Variants in FAM168A observed in about 807,000 individuals in gnomAD.
The protein encoded by FAM168A is protein FAM168A.
In FAM168A, 3 loss-of-function variants were observed where a neutral mutation model predicts 28.5. The observed-to-expected ratio is 0.11, with a 90% confidence interval of 0.05 to 0.27. The LOEUF (loss-of-function observed/expected upper bound fraction) is 0.27. Among genes scored for constraint, FAM168A ranks in the 10% least tolerant of loss-of-function variants. FAM168A has a pLI of 1.00. For synonymous variants in FAM168A, 122 were observed against 124.2 expected (o/e 0.98, Z 0.12); for missense variants, 222 against 311.5 (o/e 0.71, Z 2.16).
At chr11:73,423,379 T>C (rs1236701799) in intron 3 of FAM168A, among the ~76,000 whole-genome samples, 1 of 152,188 alleles carries the variant, frequency 6.6e-6, no homozygotes, top group Non-Finnish European at 1.5e-5. Flanking sequence ...CATTCCATAG[T>C]TCTCCACTGA....
chr11:73,587,449 A>G (rs1033186316), intron 1 of FAM168A, among the ~76,000 whole-genome samples: 2 of 151,466 alleles, frequency 1.3e-5, no homozygotes, highest in East Asian at 1.9e-4. Context: ...CCCAGATCGC[A>G]CCACTGCACT....
rs1451506397 is a variant in FAM168A at position 73,404,357 on chromosome 11, C to G, written c.*2406G>C. The G allele has an allele frequency of 6.6e-6, 1 of 152,200 alleles. No homozygotes were observed. The highest frequency in any genetic ancestry group is 2.4e-5 in the African/African-American group (1 of 41,446). The allele number at this position is 152,200 out of a possible 1,614,324, so 9.4% of individuals were successfully genotyped here. A position where few individuals can be genotyped will look rare whatever the true frequency, so the allele number is the denominator to read the frequency against. ...TCAATTGACTGTAATAACTCTAACC[C>G]TGTCCCTCTCAGGGCGAGTACATGA... On this transcript the variant is annotated 3_prime_UTR_variant, in exon 8 of 8. Coordinates refer to ENST00000356467, the MANE Select transcript of FAM168A (RefSeq NM_015159.3).
chr11:73,432,420 C>T (rs1483830846), intron 2 of FAM168A, among the ~76,000 whole-genome samples: 1 of 152,018 alleles, frequency 6.6e-6, no homozygotes, highest in Non-Finnish European at 1.5e-5. Flanking sequence ...AATTTCTCTA[C>T]ATCCTCAACA....
intron 2 of FAM168A, among the ~76,000 whole-genome samples, chr11:73,431,746 A>AT (rs35323552): frequency 6.6e-6 from 1 of 151,372 alleles, no homozygotes; most frequent in Admixed American, 6.6e-5. Flanking sequence ...AGTTTGGGGG[A>AT]TTTTTTGAAA....
intron 2 of FAM168A, among the ~76,000 whole-genome samples, chr11:73,468,070 T>A (rs969142598): frequency 9.8e-5 from 15 of 152,334 alleles, no homozygotes; most frequent in African/African-American, 2.6e-4. Context: ...TAGCATTTTT[T>A]AAAAAAATTA....
intron 1 of FAM168A, among the ~76,000 whole-genome samples, chr11:73,552,536 C>T (rs979864977): frequency 6.6e-6 from 1 of 152,174 alleles, no homozygotes; most frequent in African/African-American, 2.4e-5. Context: ...TATTACATAC[C>T]AATATCATAG....
chr11:73,474,362 T>C (rs967559787), intron 1 of FAM168A, among the ~76,000 whole-genome samples: 1 of 151,874 alleles, frequency 6.6e-6, no homozygotes, highest in Non-Finnish European at 1.5e-5. Flanking sequence ...GGTCTTACTG[T>C]GTTGTTCAGG....
intron 4 of FAM168A, among the ~76,000 whole-genome samples, chr11:73,414,982 G>C (rs1866673178): frequency 6.6e-6 from 1 of 152,222 alleles, no homozygotes; most frequent in Non-Finnish European, 1.5e-5. Context: ...CCCTGGGGAA[G>C]CTGGATTACC....
At chr11:73,511,140 G>C (rs1855215985) in intron 1 of FAM168A, among the ~76,000 whole-genome samples, 1 of 151,682 alleles carries the variant, frequency 6.6e-6, no homozygotes, top group Non-Finnish European at 1.5e-5. Context: ...ATTCAGCCCA[G>C]AGCCAAGGCC....
chr11:73,452,654 G>A (rs900680962), intron 2 of FAM168A, among the ~76,000 whole-genome samples: 6 of 152,054 alleles, frequency 3.9e-5, no homozygotes, highest in African/African-American at 1.2e-4. Context: ...TTCTCTAGGG[G>A]TGGGAAGCAC....
At position 73,482,607 on chromosome 11, in the gene FAM168A, G is replaced by A. The variant is rs1867982802; in HGVS notation, c.-18-14115C>T. Among the ~76,000 whole-genome samples, 3 of 151,630 alleles carry A rather than the reference G, an allele frequency of 2.0e-5. No homozygotes were observed. The South Asian group carries it at 6.3e-4, about 32-fold the overall frequency. On this transcript the variant is annotated intron_variant, in intron 1 of 7. Coordinates refer to ENST00000356467, the MANE Select transcript of FAM168A (RefSeq NM_015159.3). Reference sequence around the variant, plus strand: ...TAGTTTTTTGAAGCAAACCTATGAGGCCCACTAGATTATAAATTCTCAACA... The same window carrying A: ...TAGTTTTTTGAAGCAAACCTATGAGACCCACTAGATTATAAATTCTCAACA...
At chr11:73,496,909 A>ACACACACACACACACACACACG (rs1565271121) in intron 1 of FAM168A, among the ~76,000 whole-genome samples, 5 of 147,308 alleles carry the variant, frequency 3.4e-5, no homozygotes, top group African/African-American at 1.0e-4. Context: ...ACACACACGC[A>ACACACACACACACACACACACG]CACACACGCA....
intron 1 of FAM168A, among the ~76,000 whole-genome samples, chr11:73,533,225 A>T (rs1296136924): frequency 1.3e-5 from 2 of 152,190 alleles, no homozygotes; most frequent in Non-Finnish European, 2.9e-5. Flanking sequence ...ATGAAGCTTT[A>T]AAAAATGAGA....
intron 1 of FAM168A, among the ~76,000 whole-genome samples, chr11:73,557,028 CA>C (rs200723048): frequency 6.7e-4 from 91 of 136,404 alleles, no homozygotes; most frequent in African/African-American, 1.1e-3. Context: ...GACACTGTCT[CA>C]AAAAAAAAAA....
At chr11:73,516,279 C>A (rs941797426) in intron 1 of FAM168A, among the ~76,000 whole-genome samples, 1 of 152,050 alleles carries the variant, frequency 6.6e-6, no homozygotes, top group Non-Finnish European at 1.5e-5. Flanking sequence ...AGCTGTGTTA[C>A]CTCATGAAAG....
At chr11:73,484,148 C>T (rs527860394) in intron 1 of FAM168A, among the ~76,000 whole-genome samples, 29 of 152,260 alleles carry the variant, frequency 1.9e-4, no homozygotes, top group Admixed American at 6.5e-5. Context: ...CCAGCATCAG[C>T]GCTGAGGATA....
At chr11:73,483,474 T>C (rs1032629489) in intron 1 of FAM168A, among the ~76,000 whole-genome samples, 1 of 152,160 alleles carries the variant, frequency 6.6e-6, no homozygotes, top group Non-Finnish European at 1.5e-5. Context: ...CTATGGAGGA[T>C]AAAAGTAACA....
At chr11:73,422,055 A>T (rs1260959634) in intron 3 of FAM168A, among the ~76,000 whole-genome samples, 2 of 152,218 alleles carry the variant, frequency 1.3e-5, no homozygotes, top group Non-Finnish European at 2.9e-5. Flanking sequence ...TCTACACTGC[A>T]CTCAGCACTG....
At chr11:73,519,661 G>A (rs187067956) in intron 1 of FAM168A, among the ~76,000 whole-genome samples, 106 of 152,200 alleles carry the variant, frequency 7.0e-4, no homozygotes, top group Non-Finnish European at 1.2e-3. Flanking sequence ...AGAACAGCAT[G>A]AGCAAAGTCA....
Sources: gnomAD v4.1 joint callset for allele counts (sites outside exome capture counted in the v4.1 genomes callset) on GRCh38, gnomAD v4.1.1 for gene constraint, MANE v1.5 for transcripts, NCBI Gene and HGNC (gene_info 2026-07-23, HGNC 2026-07-21) for gene names.